VAT1L: variants seen among roughly 807,000 people sequenced by gnomAD.
VAT1L encodes the protein putative NADPH-dependent quinone oxidoreductase VAT1L.
Under a neutral mutation model 44.1 loss-of-function variants are expected in VAT1L, and 34 were observed. The observed-to-expected ratio is 0.77, with a 90% confidence interval of 0.59 to 1.03. The LOEUF (loss-of-function observed/expected upper bound fraction) is 1.03. VAT1L is among the 50% of genes least tolerant of loss of function. The probability of loss-of-function intolerance (pLI) is 0.00; values close to 1 mark genes in which losing one functional copy is unlikely to be tolerated. For missense variants in VAT1L, 615 were observed against 538.8 expected, an observed-to-expected ratio of 1.14 and a Z score of -1.40; for synonymous variants, 253 against 202.2, an observed-to-expected ratio of 1.25 and a Z score of -2.13.
intron 1 of VAT1L, among the ~76,000 whole-genome samples, chr16:77,809,505 T>C (rs2016227005): frequency 6.6e-6 from 1 of 152,122 alleles, no homozygotes; most frequent in African/African-American, 2.4e-5. Flanking sequence ...ACTCAAGTGG[T>C]CCTTTGCAAC....
Position 77,880,263 on chromosome 16 carries a change from C to T in VAT1L, c.882+1039C>T, listed in dbSNP as rs539778890. ...CCTCCACCTCCTGGGCTGTAGCAAC[C>T]CTCCTGCTTCAGCCTCCCAAGTAGC... On this transcript the variant is annotated intron_variant, in intron 6 of 8. Transcript: ENST00000302536. 3.4e-4 allele frequency among the ~76,000 whole-genome samples: 52 copies of T among 152,094 alleles called. 1 individual carries two copies. The South Asian group carries it at 9.1e-3, about 27-fold the overall frequency.
intron 7 of VAT1L, among the ~76,000 whole-genome samples, chr16:77,922,203 CTGTA>C (rs1194518811): frequency 6.6e-6 from 1 of 152,116 alleles, no homozygotes; most frequent in Non-Finnish European, 1.5e-5. Flanking sequence ...GGGGCAGTGT[CTGTA>C]TGTGTCTCTG....
chr16:77,942,090 T>C (rs1597111627), intron 7 of VAT1L, among the ~76,000 whole-genome samples: 1 of 152,322 alleles, frequency 6.6e-6, no homozygotes, highest in East Asian at 1.9e-4. Context: ...ATTTTCACAC[T>C]GCTGATAAAT....
chr16:77,924,342 C>A (rs867183440), intron 7 of VAT1L, among the ~76,000 whole-genome samples: 1 of 152,170 alleles, frequency 6.6e-6, no homozygotes, highest in Non-Finnish European at 1.5e-5. Context: ...ATGCCCCTCC[C>A]TGGCACACAT....
At chr16:77,841,775 A>C (rs2016708601) in intron 3 of VAT1L, among the ~76,000 whole-genome samples, 2 of 152,228 alleles carry the variant, frequency 1.3e-5, no homozygotes, top group Non-Finnish European at 2.9e-5. Context: ...CATGGTGGCA[A>C]AATGCGAGTC....
chr16:77,925,380 T>C (rs1405175911), intron 7 of VAT1L, among the ~76,000 whole-genome samples: 2 of 152,168 alleles, frequency 1.3e-5, no homozygotes, highest in African/African-American at 2.4e-5. Flanking sequence ...TAGTCACTAA[T>C]TTCACCTCGA....
At chr16:77,804,010 C>T (rs1007855464) in intron 1 of VAT1L, among the ~76,000 whole-genome samples, 1 of 152,130 alleles carries the variant, frequency 6.6e-6, no homozygotes, top group Non-Finnish European at 1.5e-5. Context: ...GTACAGCCTC[C>T]TCTTATGGAA....
At chr16:77,919,636 C>T (rs1597098709) in intron 7 of VAT1L, among the ~76,000 whole-genome samples, 2 of 152,230 alleles carry the variant, frequency 1.3e-5, no homozygotes, top group East Asian at 1.9e-4. Flanking sequence ...GGAGAGATGA[C>T]TGTGATAGAG....
chr16:77,795,285 G>T (rs1163281821), intron 1 of VAT1L, among the ~76,000 whole-genome samples: 1 of 148,262 alleles, frequency 6.7e-6, no homozygotes, highest in East Asian at 2.1e-4. Context: ...AGTGGGGGCG[G>T]GGGGAAAGAT....
chr16:77,874,221 G>A (rs1597077422), intron 4 of VAT1L, among the ~76,000 whole-genome samples: 1 of 152,118 alleles, frequency 6.6e-6, no homozygotes, highest in South Asian at 2.1e-4. Context: ...CAAGGGGAGA[G>A]GTCTTGGAGA....
At chr16:77,952,013 G>C (rs1404263595) in intron 7 of VAT1L, among the ~76,000 whole-genome samples, 1 of 152,154 alleles carries the variant, frequency 6.6e-6, no homozygotes, top group Non-Finnish European at 1.5e-5. Flanking sequence ...AGGCAGGTGA[G>C]CTGAAGCCAT....
At position 77,977,777 on chromosome 16, in the gene VAT1L, A is replaced by G; in HGVS notation, c.*82A>G. ...AGAAAACTCTTCTGTGCCCCAGTGA[A>G]CAAATGCTGTAGTCCAGTGCGTGTC... On this transcript the variant is annotated 3_prime_UTR_variant, in exon 9 of 9. Coordinates refer to ENST00000302536, the MANE Select transcript of VAT1L (RefSeq NM_020927.3). The G allele has an allele frequency of 7.5e-7, 1 of 1,326,926 alleles. No homozygotes were observed. Among genetic ancestry groups the G allele is most frequent in the Non-Finnish European group, 1.1e-6 (1 of 943,912 alleles). 82.2% of individuals were successfully genotyped at this position (1,326,926 alleles called of 1,614,324 possible).
chr16:77,971,866 A>G lies in VAT1L; in HGVS notation c.1094A>G (p.Gln365Arg). ...WALEEVKEAM[Q>R]RIHDRGNIGK... is the part of the protein sequence containing the mutation. ...TTCGCGCAGGTGAAGGAGGCCATGC[A>G]GCGGATTCACGACCGAGGGAACATT... Residue 365 changes from glutamine (Q) to arginine (R), a missense_variant, in exon 8 of 9, where the codon CAG becomes CGG. Coordinates refer to ENST00000302536, the MANE Select transcript of VAT1L (RefSeq NM_020927.3). The G allele has an allele frequency of 1.9e-6, 3 of 1,613,894 alleles. No homozygotes were observed. The highest frequency in any genetic ancestry group is 2.5e-6 in the Non-Finnish European group (3 of 1,179,870).
chr16:77,951,148 G>A (rs940596163), intron 7 of VAT1L, among the ~76,000 whole-genome samples: 3 of 152,192 alleles, frequency 2.0e-5, no homozygotes, highest in African/African-American at 4.8e-5. Flanking sequence ...TTCAAAATCC[G>A]TAAAGTCCAG....
intron 7 of VAT1L, among the ~76,000 whole-genome samples, chr16:77,932,016 C>A (rs2017737402): frequency 2.0e-5 from 3 of 151,968 alleles, no homozygotes; most frequent in Admixed American, 1.3e-4. Flanking sequence ...TCATCCACGC[C>A]TGAGCATTTA....
intron 3 of VAT1L, among the ~76,000 whole-genome samples, chr16:77,848,244 A>G (rs1017328162): frequency 6.6e-6 from 1 of 152,202 alleles, no homozygotes; most frequent in African/African-American, 2.4e-5. Context: ...TAGAGAGGCA[A>G]TTAGTGCTCC....
intron 1 of VAT1L, among the ~76,000 whole-genome samples, chr16:77,815,248 T>C (rs2016331005): frequency 6.6e-6 from 1 of 152,248 alleles, no homozygotes; most frequent in Admixed American, 6.5e-5. Context: ...TATCCATTAC[T>C]CCAAATTCTT....
At chr16:77,804,280 C>A (rs2016116288) in intron 1 of VAT1L, among the ~76,000 whole-genome samples, 1 of 152,168 alleles carries the variant, frequency 6.6e-6, no homozygotes, top group South Asian at 2.1e-4. Flanking sequence ...ATACCTCCTG[C>A]TGTGTCCCGA....
At chr16:77,818,486 A>G (rs1461432486) in intron 2 of VAT1L, among the ~76,000 whole-genome samples, 1 of 152,206 alleles carries the variant, frequency 6.6e-6, no homozygotes, top group Non-Finnish European at 1.5e-5. Flanking sequence ...AGTGCTGCAC[A>G]TAAGAAATAT....
Sources: gnomAD v4.1 joint callset for allele counts (sites outside exome capture counted in the v4.1 genomes callset) on GRCh38, gnomAD v4.1.1 for gene constraint, MANE v1.5 for transcripts, NCBI Gene and HGNC (gene_info 2026-07-23, HGNC 2026-07-21) for gene names.